Variants in CADPS2 observed in about 807,000 individuals in gnomAD.
The protein encoded by CADPS2 is calcium dependent secretion activator 2.
Under a neutral mutation model 172.5 loss-of-function variants are expected in CADPS2, and 93 were observed. The ratio of observed to expected loss-of-function variants is 0.54; its 90% confidence interval spans 0.46 to 0.64. The LOEUF (loss-of-function observed/expected upper bound fraction) is 0.64, where lower values mean the gene tolerates loss of function less well. Among genes scored for constraint, CADPS2 ranks in the 30% least tolerant of loss-of-function variants. The pLI is 0.00. For synonymous variants in CADPS2, 546 were observed against 555.2 expected (o/e 0.98, Z 0.23); for missense variants, 1,420 against 1,565.9 (o/e 0.91, Z 1.57).
At chr7:122,722,292 C>T (rs1269096684) in intron 2 of CADPS2, among the ~76,000 whole-genome samples, 1 of 151,898 alleles carries the variant, frequency 6.6e-6, no homozygotes, top group Non-Finnish European at 1.5e-5. Context: ...TCTAGAAAAC[C>T]CCATCGTCTC....
At chr7:122,626,037 G>A (rs1456318570) in intron 4 of CADPS2, among the ~76,000 whole-genome samples, 1 of 152,160 alleles carries the variant, frequency 6.6e-6, no homozygotes, top group African/African-American at 2.4e-5. Flanking sequence ...AAGGCAAGGA[G>A]GCCACCATCG....
chr7:122,332,523 T>C (rs1209599059), intron 28 of CADPS2, among the ~76,000 whole-genome samples: 1 of 151,996 alleles, frequency 6.6e-6, no homozygotes, highest in East Asian at 1.9e-4. Context: ...AAATTAAGAG[T>C]ATCATGTCTA....
chr7:122,490,354 C>G, intron 10 of CADPS2, 73 bp from the exon 11 acceptor site: 2 of 1,182,236 alleles, frequency 1.7e-6, no homozygotes, highest in Non-Finnish European at 1.2e-6. Context: ...CACTAACTGA[C>G]CTCATGGAAA....
intron 25 of CADPS2, among the ~76,000 whole-genome samples, chr7:122,367,848 G>A (rs1424149478): frequency 6.6e-6 from 1 of 151,350 alleles, no homozygotes; most frequent in East Asian, 1.9e-4. Flanking sequence ...CCTTTCTGGA[G>A]GCTCTAGGGG....
intron 23 of CADPS2, among the ~76,000 whole-genome samples, chr7:122,387,590 A>G (rs2043849999): frequency 6.6e-6 from 1 of 152,110 alleles, no homozygotes; most frequent in East Asian, 1.9e-4. Context: ...ATTAGAAAAA[A>G]TAAGCACAAA....
chr7:122,633,565 GA>G (rs2076780501), intron 3 of CADPS2, among the ~76,000 whole-genome samples: 1 of 152,140 alleles, frequency 6.6e-6, no homozygotes, highest in African/African-American at 2.4e-5. Context: ...AAACTTTACT[GA>G]AGTCATTTAT....
chr7:122,530,494 T>C (rs913628422), intron 8 of CADPS2, among the ~76,000 whole-genome samples: 1 of 152,180 alleles, frequency 6.6e-6, no homozygotes, highest in Non-Finnish European at 1.5e-5. Context: ...TTTATCACCA[T>C]CATTTTCCTT....
chr7:122,576,398 C>G (rs576179840), intron 7 of CADPS2, among the ~76,000 whole-genome samples: 3 of 152,274 alleles, frequency 2.0e-5, no homozygotes, highest in South Asian at 4.1e-4. Flanking sequence ...CTCATCACCC[C>G]TTTCAGTGGA....
chr7:122,622,871 A>T (rs928609837), intron 4 of CADPS2, among the ~76,000 whole-genome samples: 3 of 152,164 alleles, frequency 2.0e-5, no homozygotes, highest in Non-Finnish European at 4.4e-5. Context: ...AGCATCCAGC[A>T]TGCTCTTGTC....
chr7:122,425,714 C>T (rs1048221754), intron 17 of CADPS2, among the ~76,000 whole-genome samples: 1 of 152,024 alleles, frequency 6.6e-6, no homozygotes, highest in Non-Finnish European at 1.5e-5. Flanking sequence ...GTGTGTTGTT[C>T]TTTATATATA....
At chr7:122,709,197 A>G (rs1334711683) in intron 2 of CADPS2, among the ~76,000 whole-genome samples, 1 of 152,086 alleles carries the variant, frequency 6.6e-6, no homozygotes, top group African/African-American at 2.4e-5. Flanking sequence ...CCATCATTTC[A>G]AGATTGTCCT....
At chr7:122,810,967 T>A (rs1432685398) in intron 1 of CADPS2, among the ~76,000 whole-genome samples, 2 of 152,210 alleles carry the variant, frequency 1.3e-5, no homozygotes, top group Non-Finnish European at 2.9e-5. Flanking sequence ...ATGTGTTAGA[T>A]GTTGGCAACT....
At chr7:122,549,733 G>A (rs1256565526) in intron 8 of CADPS2, among the ~76,000 whole-genome samples, 1 of 151,948 alleles carries the variant, frequency 6.6e-6, no homozygotes, top group Non-Finnish European at 1.5e-5. Flanking sequence ...TTCAACCTGG[G>A]AATGCAAGTA....
At chr7:122,724,727 C>T (rs193032218) in intron 2 of CADPS2, among the ~76,000 whole-genome samples, 5 of 151,112 alleles carry the variant, frequency 3.3e-5, no homozygotes, top group East Asian at 2.0e-4. Context: ...AAACTCGCAA[C>T]GTTTTTTCAC....
At chr7:122,410,852 T>A (rs934196866) in intron 19 of CADPS2, among the ~76,000 whole-genome samples, 1 of 152,220 alleles carries the variant, frequency 6.6e-6, no homozygotes, top group African/African-American at 2.4e-5. Flanking sequence ...CAAGTACTGT[T>A]CTAAAGGTTT....
At chr7:122,737,400 T>G (rs2137823131) in intron 1 of CADPS2, among the ~76,000 whole-genome samples, 1 of 152,276 alleles carries the variant, frequency 6.6e-6, no homozygotes, top group Non-Finnish European at 1.5e-5. Context: ...ATTTTTGTAT[T>G]TTTAGTAGAG....
At chr7:122,463,982 G>A (rs753448818) in intron 14 of CADPS2, among the ~76,000 whole-genome samples, 8 of 152,154 alleles carry the variant, frequency 5.3e-5, no homozygotes, top group Non-Finnish European at 8.8e-5. Context: ...ACCTAGCTCT[G>A]TCCAACTGAG....
intron 14 of CADPS2, among the ~76,000 whole-genome samples, chr7:122,465,774 T>C (rs899474991): frequency 1.3e-5 from 2 of 152,168 alleles, no homozygotes; most frequent in Non-Finnish European, 2.9e-5. Context: ...TCAAGTCTTA[T>C]ACAGAGCAAG....
At chr7:122,444,777 A>G (rs1402826236) in intron 15 of CADPS2, among the ~76,000 whole-genome samples, 1 of 152,196 alleles carries the variant, frequency 6.6e-6, no homozygotes, top group Non-Finnish European at 1.5e-5. Context: ...TGTCTTTGGA[A>G]GATCGAAAGT....
Sources: gnomAD v4.1 joint callset for allele counts (sites outside exome capture counted in the v4.1 genomes callset) on GRCh38, gnomAD v4.1.1 for gene constraint, MANE v1.5 for transcripts, NCBI Gene and HGNC (gene_info 2026-07-23, HGNC 2026-07-21) for gene names.